Variants in LRMDA observed in about 807,000 individuals in gnomAD.
The protein encoded by LRMDA is leucine rich melanocyte differentiation associated.
Under a neutral mutation model 29.8 loss-of-function variants are expected in LRMDA, and 18 were observed. The observed-to-expected ratio is 0.60, with a 90% CI of 0.42 to 0.90. LRMDA has a LOEUF of 0.90. Ranked by LOEUF, LRMDA falls within the 40% of genes least tolerant of loss-of-function variation. The pLI is 0.00. For missense variants in LRMDA, 273 were observed against 273.9 expected (o/e 1.00, Z 0.02); for synonymous variants, 125 against 109.4 (o/e 1.14, Z -0.89).
intron 2 of LRMDA, among the ~76,000 whole-genome samples, chr10:75,695,226 A>G (rs1230287426): frequency 6.6e-6 from 1 of 151,854 alleles, no homozygotes; most frequent in Non-Finnish European, 1.5e-5. Flanking sequence ...GGTTTTTTAA[A>G]AAAAATAACA....
intron 2 of LRMDA, among the ~76,000 whole-genome samples, chr10:75,513,206 C>T (rs1845246801): frequency 6.6e-6 from 1 of 152,154 alleles, no homozygotes; most frequent in Non-Finnish European, 1.5e-5. Context: ...TTCCCCCACT[C>T]CGGTGTAACA....
chr10:76,396,583 G>A (rs569259591), intron 6 of LRMDA: 3 of 152,314 alleles, frequency 2.0e-5, no homozygotes, highest in East Asian at 3.9e-4. Context: ...GACCTGGAAA[G>A]GACTCAGGTG....
chr10:75,906,118 T>G (rs1845754776), intron 2 of LRMDA, among the ~76,000 whole-genome samples: 1 of 151,794 alleles, frequency 6.6e-6, no homozygotes, highest in Non-Finnish European at 1.5e-5. Flanking sequence ...TTTCTCATCT[T>G]TCAAATGGTG....
At chr10:75,740,201 C>T (rs1244701881) in intron 2 of LRMDA, among the ~76,000 whole-genome samples, 1 of 152,192 alleles carries the variant, frequency 6.6e-6, no homozygotes, top group African/African-American at 2.4e-5. Context: ...CCCATGCCAT[C>T]GACATCAATT....
chr10:75,893,931 A>T (rs1488394579), intron 2 of LRMDA, among the ~76,000 whole-genome samples: 1 of 50,064 alleles, frequency 2.0e-5, no homozygotes, highest in Non-Finnish European at 3.9e-5. Flanking sequence ...ACTCCGTCTC[A>T]CAAAAAAAAA....
intron 2 of LRMDA, among the ~76,000 whole-genome samples, chr10:75,838,188 A>G (rs903767869): frequency 6.6e-6 from 1 of 152,202 alleles, no homozygotes; most frequent in African/African-American, 2.4e-5. Context: ...CTGGTGATAT[A>G]TGAGCGTGGC....
chr10:76,457,792 AC>A (rs139480923), intron 6 of LRMDA, among the ~76,000 whole-genome samples: 8,599 of 152,144 alleles, frequency 0.057, 407 homozygotes, highest in East Asian at 0.24. Flanking sequence ...GCTTTCAGGA[AC>A]CTAACTCTGT....
At chr10:76,161,433 C>T (rs765084341) in intron 5 of LRMDA, among the ~76,000 whole-genome samples, 6 of 152,200 alleles carry the variant, frequency 3.9e-5, no homozygotes, top group Non-Finnish European at 8.8e-5. Flanking sequence ...ATGCTGGTCA[C>T]GTGCTAGAGC....
chr10:76,077,692 G>A (rs1173004690), intron 5 of LRMDA, among the ~76,000 whole-genome samples: 2 of 152,078 alleles, frequency 1.3e-5, no homozygotes, highest in African/African-American at 4.8e-5. Context: ...TTGAAGTGAT[G>A]AGGGCAGAAG....
intron 2 of LRMDA, among the ~76,000 whole-genome samples, chr10:76,006,139 T>A (rs1336361480): frequency 1.3e-5 from 2 of 152,116 alleles, no homozygotes; most frequent in African/African-American, 4.8e-5. Flanking sequence ...AGACCCTGTC[T>A]TCAGAGTCTG....
intron 2 of LRMDA, among the ~76,000 whole-genome samples, chr10:75,576,164 A>G (rs1035243427): frequency 2.0e-5 from 3 of 152,162 alleles, no homozygotes; most frequent in Admixed American, 6.5e-5. Flanking sequence ...CTGACCTGGG[A>G]CACTCAAGCT....
chr10:75,438,581 T>G, intron 2 of LRMDA, 87 bp downstream of exon 2: 1 of 981,770 alleles, frequency 1.0e-6, no homozygotes, highest in Non-Finnish European at 1.6e-6. Context: ...AAGTCAAATG[T>G]TCCAACTCCA....
chr10:75,520,368 G>A (rs1277952503), intron 2 of LRMDA, among the ~76,000 whole-genome samples: 1 of 152,142 alleles, frequency 6.6e-6, no homozygotes, highest in Non-Finnish European at 1.5e-5. Flanking sequence ...TGGAGGCTTT[G>A]TTTGTTTCTT....
In LRMDA at chr10:76,087,124, C is replaced by T. The variant is rs187720869; in HGVS notation, c.516+28341C>T. ...CAGCATTGGCAGACATTCAGATCTG[C>T]CTGGTGGGGCGGGTGGCATGCCAGT... On this transcript the variant is annotated intron_variant, in intron 5 of 6. Transcript: ENST00000611255. 6.5e-4 allele frequency among the ~76,000 whole-genome samples: 99 copies of T among 152,224 alleles called. No homozygotes were observed. In the Middle Eastern group the frequency reaches 0.01, roughly 16 times the overall value.
At chr10:75,467,875 C>T (rs1057210928) in intron 2 of LRMDA, among the ~76,000 whole-genome samples, 8 of 151,852 alleles carry the variant, frequency 5.3e-5, no homozygotes, top group East Asian at 1.9e-4. Flanking sequence ...GTAGGAGAAT[C>T]GCATGAACTC....
intron 6 of LRMDA, among the ~76,000 whole-genome samples, chr10:76,435,941 A>G (rs1842240324): frequency 6.6e-6 from 1 of 152,242 alleles, no homozygotes; most frequent in Admixed American, 6.5e-5. Context: ...TGTGAGGGTT[A>G]GGGAGAAACT....
chr10:75,764,215 G>T (rs1474987496), intron 2 of LRMDA, among the ~76,000 whole-genome samples: 2 of 152,062 alleles, frequency 1.3e-5, no homozygotes, highest in African/African-American at 4.8e-5. Flanking sequence ...TTATTGATTG[G>T]AAGTCACCAA....
chr10:75,707,754 C>A (rs1842387418), intron 2 of LRMDA, among the ~76,000 whole-genome samples: 1 of 152,274 alleles, frequency 6.6e-6, no homozygotes, highest in Admixed American at 6.5e-5. Flanking sequence ...TGTTTGGGTC[C>A]TTGTGTCTCT....
intron 5 of LRMDA, among the ~76,000 whole-genome samples, chr10:76,139,057 T>C (rs1257599987): frequency 1.3e-5 from 2 of 152,164 alleles, no homozygotes; most frequent in African/African-American, 4.8e-5. Flanking sequence ...GAGATAAACA[T>C]GCTGTATTCC....
Sources: allele counts gnomAD v4.1 joint callset (sites outside exome capture counted in the v4.1 genomes callset), GRCh38; gene constraint gnomAD v4.1.1; transcripts MANE v1.5; gene names NCBI Gene and HGNC (gene_info 2026-07-23, HGNC 2026-07-21).